Variants in STAU2 observed in about 807,000 individuals in gnomAD.
STAU2 encodes staufen double-stranded RNA binding protein 2, also known as double-stranded RNA-binding protein Staufen homolog 2.
A neutral mutation model predicts 65.9 loss-of-function variants in STAU2; 20 were observed. The ratio of observed to expected loss-of-function variants is 0.30; its 90% CI spans 0.21 to 0.44. The LOEUF (loss-of-function observed/expected upper bound fraction) is 0.44. STAU2 is among the 20% of genes least tolerant of loss of function. STAU2 has a pLI of 1.00. For missense variants in STAU2, 558 were observed against 683.9 expected (o/e 0.82, Z 2.05); for synonymous variants, 232 against 233.9 (o/e 0.99, Z 0.07).
intron 13 of STAU2, among the ~76,000 whole-genome samples, chr8:73,426,801 T>G (rs16938651): frequency 0.085 from 12,999 of 152,242 alleles, 1,520 homozygotes; most frequent in African/African-American, 0.27. Flanking sequence ...ATCGATATCC[T>G]GTGTGATACC....
At chr8:73,591,909 A>G (rs574620472) in intron 11 of STAU2, among the ~76,000 whole-genome samples, 3,114 of 141,146 alleles carry the variant, frequency 0.022, 158 homozygotes, top group African/African-American at 0.081. Flanking sequence ...AAAAAAAAAA[A>G]AAAAACAAGA....
At chr8:73,710,029 T>G (rs957157441) in intron 3 of STAU2, among the ~76,000 whole-genome samples, 14 of 152,098 alleles carry the variant, frequency 9.2e-5, no homozygotes, top group African/African-American at 3.4e-4. Context: ...TTTTATCCAC[T>G]CCTCTACTGA....
chr8:73,656,802 A>T (rs1816410021), intron 6 of STAU2, among the ~76,000 whole-genome samples: 1 of 152,242 alleles, frequency 6.6e-6, no homozygotes, highest in South Asian at 2.1e-4. Context: ...TTTCAGGCTT[A>T]AACAAAAAAG....
chr8:73,513,866 C>A (rs1381761837), intron 13 of STAU2, among the ~76,000 whole-genome samples: 1 of 152,146 alleles, frequency 6.6e-6, no homozygotes, highest in Non-Finnish European at 1.5e-5. Context: ...CTTCTTTACC[C>A]TTGTAGAACT....
intron 3 of STAU2, among the ~76,000 whole-genome samples, chr8:73,735,977 A>C (rs1207533093): frequency 1.3e-5 from 2 of 152,238 alleles, no homozygotes; most frequent in Non-Finnish European, 2.9e-5. Flanking sequence ...GCAACTTCAC[A>C]GCTATAACAG....
chr8:73,710,587 T>A (rs1471326250), intron 3 of STAU2, among the ~76,000 whole-genome samples: 1 of 152,106 alleles, frequency 6.6e-6, no homozygotes, highest in African/African-American at 2.4e-5. Flanking sequence ...TGTAAATGTA[T>A]GATATGGTTT....
intron 13 of STAU2, among the ~76,000 whole-genome samples, chr8:73,489,770 T>TG: frequency 6.6e-6 from 1 of 152,054 alleles, no homozygotes; most frequent in Admixed American, 6.6e-5. Flanking sequence ...GTGAGCTAAT[T>TG]GTCAGAGGAC....
In STAU2 at chr8:73,519,151, G is replaced by A. The variant is rs539189138; in HGVS notation, c.1530+32861C>T. Among the ~76,000 whole-genome samples the A allele has an allele frequency of 2.9e-3, 439 of 152,250 alleles. 4 individuals are homozygous for A. The highest frequency in any genetic ancestry group is 0.02 in the Middle Eastern group (6 of 294). The stretch of plus-strand genomic sequence containing the variant: ...CCCCACAGCACTTGGCGCTGCTGAC[G>A]TACAGAGCAAGCAAAGCCGCTGAAG... On this transcript the variant is annotated intron_variant, in intron 13 of 14. Transcript: ENST00000524300.
intron 13 of STAU2, among the ~76,000 whole-genome samples, chr8:73,460,195 C>T (rs1280475925): frequency 1.3e-5 from 2 of 152,204 alleles, no homozygotes; most frequent in Non-Finnish European, 2.9e-5. Context: ...TCCTTCTAGC[C>T]TCTTCGATGC....
Position 73,422,698 on chromosome 8 carries a change from G to C in STAU2, c.1535C>G (p.Ala512Gly), listed in dbSNP as rs376970137. The change falls in exon 14 of 15, where the codon GCC becomes GGC. Residue 512 changes from alanine to glycine, a missense_variant. Ala to Gly is a moderately conservative substitution (Grantham distance 60). This residue lies in a region of STAU2 where 247 missense variants were observed against 270.1 expected (regional missense o/e 0.91). Coordinates refer to ENST00000524300, the MANE Select transcript of STAU2 (RefSeq NM_001164380.2). Reference sequence around the variant, plus strand: ...AGAAAATTGTTTCAAGGCACTTAAGGCTGCCTAAAAATGAAAACAAACAGA... The same window carrying C: ...AGAAAATTGTTTCAAGGCACTTAAGCCTGCCTAAAAATGAAAACAAACAGA... ...YLARIQGFQA[A>G]LSALKQFSEQ... 2.0e-6 allele frequency: 3 copies of C among 1,476,520 alleles called. No homozygotes were observed. The highest frequency in any genetic ancestry group is 2.6e-5 in the Admixed American group (1 of 37,954). 91.5% of individuals were successfully genotyped at this position (1,476,520 alleles called of 1,614,324 possible).
chr8:73,723,667 A>G (rs1267405024), intron 3 of STAU2, among the ~76,000 whole-genome samples: 1 of 152,130 alleles, frequency 6.6e-6, no homozygotes, highest in African/African-American at 2.4e-5. Flanking sequence ...CTCATACCGT[A>G]TATTTTTCAT....
intron 13 of STAU2, chr8:73,549,981 C>T: frequency 2.0e-6 from 2 of 985,726 alleles, no homozygotes; most frequent in Non-Finnish European, 2.4e-6. Flanking sequence ...GGCTTTAAAA[C>T]TTTTAACCAC....
intron 6 of STAU2, among the ~76,000 whole-genome samples, chr8:73,621,233 T>C (rs1054716554): frequency 2.6e-5 from 4 of 152,142 alleles, no homozygotes; most frequent in Non-Finnish European, 4.4e-5. Context: ...CCCATGGTAT[T>C]CTCATGATAG....
intron 6 of STAU2, among the ~76,000 whole-genome samples, chr8:73,643,477 A>C (rs914029222): frequency 5.9e-5 from 9 of 152,326 alleles, no homozygotes; most frequent in African/African-American, 1.9e-4. Flanking sequence ...TGTCCATCTA[A>C]GACAAAATGG....
intron 13 of STAU2, among the ~76,000 whole-genome samples, chr8:73,462,734 T>C (rs1266697511): frequency 6.6e-6 from 1 of 152,070 alleles, no homozygotes; most frequent in East Asian, 1.9e-4. Flanking sequence ...TGTAAAAGAT[T>C]TTCCTTATTC....
At chr8:73,687,936 A>T (rs1305222055) in intron 5 of STAU2, among the ~76,000 whole-genome samples, 1 of 151,124 alleles carries the variant, frequency 6.6e-6, no homozygotes, top group Non-Finnish European at 1.5e-5. Flanking sequence ...GGATGGTCTC[A>T]ATCTCCTGAC....
chr8:73,688,364 C>T (rs1309741735), intron 5 of STAU2, among the ~76,000 whole-genome samples: 1 of 151,804 alleles, frequency 6.6e-6, no homozygotes, highest in Non-Finnish European at 1.5e-5. Context: ...CAGGGTTTCA[C>T]CATGTTGGCC....
intron 6 of STAU2, among the ~76,000 whole-genome samples, chr8:73,625,414 G>A (rs1038333105): frequency 7.9e-5 from 12 of 152,118 alleles, no homozygotes; most frequent in Admixed American, 5.9e-4. Context: ...CAACATAAAC[G>A]AACTTACATT....
chr8:73,513,016 A>G (rs1676053499), intron 13 of STAU2, among the ~76,000 whole-genome samples: 1 of 152,222 alleles, frequency 6.6e-6, no homozygotes, highest in Non-Finnish European at 1.5e-5. Context: ...GAGCCCACTC[A>G]GAAACACTCA....
Sources: allele counts gnomAD v4.1 joint callset (sites outside exome capture counted in the v4.1 genomes callset), GRCh38; gene constraint gnomAD v4.1.1; regional missense constraint gnomAD v4.1.1; transcripts MANE v1.5; gene names NCBI Gene and HGNC (gene_info 2026-07-23, HGNC 2026-07-21).